Variants in PSMA4 observed in about 807,000 individuals in gnomAD.
The protein encoded by PSMA4 is proteasome subunit alpha type-4.
Under a neutral mutation model 37.2 loss-of-function variants are expected in PSMA4, and 8 were observed. The observed-to-expected ratio is 0.22, with a 90% CI of 0.13 to 0.39. The LOEUF is 0.39. Ranked by LOEUF, PSMA4 falls within the 10% of genes least tolerant of loss-of-function variation. The pLI is 1.00. For missense variants in PSMA4, 169 were observed against 305.1 expected (o/e 0.55, Z 3.32); for synonymous variants, 93 against 98.8 (o/e 0.94, Z 0.35).
intron 8 of PSMA4, among the ~76,000 whole-genome samples, chr15:78,548,533 G>A (rs1261791592): frequency 6.6e-6 from 1 of 152,300 alleles, no homozygotes; most frequent in East Asian, 1.9e-4. Flanking sequence ...ATAGCAATTG[G>A]TTGATTATAC....
In PSMA4 at chr15:78,545,628, T is replaced by C. The variant is rs780573342; in HGVS notation, c.377-6T>C. Reference sequence around the variant, plus strand: ...TGATATGTTTGGCTTTTTTTCTTTGTTAAAGGAAAACGTCCCTTTGGTGTT... The same window carrying C: ...TGATATGTTTGGCTTTTTTTCTTTGCTAAAGGAAAACGTCCCTTTGGTGTT... On this transcript the variant is annotated splice_region_variant and splice_polypyrimidine_tract_variant and intron_variant, in intron 6 of 8. Coordinates refer to ENST00000044462, the MANE Select transcript of PSMA4 (RefSeq NM_002789.6). 3 of 1,613,738 alleles carry C rather than the reference T, an allele frequency of 1.9e-6. No individual in the cohort carries two copies. In the Admixed American group the frequency reaches 5.0e-5, roughly 27 times the overall value.
chr15:78,547,878 G>A (rs1413945097), intron 8 of PSMA4, among the ~76,000 whole-genome samples: 1 of 151,708 alleles, frequency 6.6e-6, no homozygotes, highest in East Asian at 1.9e-4. Context: ...CAGAAATTGT[G>A]GTAAATTAAC....
chr15:78,541,480 C>T (rs1322091786), intron 1 of PSMA4: 1 of 188,774 alleles, frequency 5.3e-6, no homozygotes, highest in Admixed American at 5.5e-5. Context: ...ACTAAACTAT[C>T]CTGCCTCCGT....
intron 1 of PSMA4, chr15:78,541,599 A>T (rs2052454270): frequency 1.4e-5 from 5 of 352,370 alleles, no homozygotes; most frequent in South Asian, 1.3e-4. Flanking sequence ...CCCATCTCTG[A>T]TTTACTTTCA....
At position 78,542,474 on chromosome 15, in the gene PSMA4, G is replaced by A. The variant is rs1596041621; in HGVS notation, c.47-9G>A. Reference sequence around the variant, plus strand: ...AGAGTCTTGGCTTCTCACTGCTTTTGTTTTGTAGGTCGCTTATACCAAGTT... The same window carrying A: ...AGAGTCTTGGCTTCTCACTGCTTTTATTTTGTAGGTCGCTTATACCAAGTT... On this transcript the variant is annotated splice_polypyrimidine_tract_variant and intron_variant, in intron 3 of 8. Coordinates refer to ENST00000044462, the MANE Select transcript of PSMA4 (RefSeq NM_002789.6). 1.2e-6 allele frequency: 2 copies of A among 1,609,634 alleles called. No homozygotes were observed. The highest frequency in any genetic ancestry group is 1.3e-5 in the African/African-American group (1 of 74,742).
chr15:78,545,830 G>A (rs2052542732), intron 7 of PSMA4, 66 bp downstream of exon 7: 23 of 1,533,616 alleles, frequency 1.5e-5, no homozygotes, highest in Non-Finnish European at 1.9e-5. Context: ...TTTTGCCATG[G>A]TGATGAATGT....
At position 78,552,408 on chromosome 15, in the gene PSMA4, TG is replaced by T. The variant is rs1200553309; in HGVS notation, c.*3465del. On this transcript the variant is annotated 3_prime_UTR_variant, in exon 9 of 9. Coordinates refer to ENST00000044462, the MANE Select transcript of PSMA4 (RefSeq NM_002789.6). ...AAATCATGCTTTTAAAAATAAATTA[TG>T]TAAAAAAATCATGTACTCCTGTGTA... 6.6e-6 allele frequency: 1 copy of T among 152,236 alleles called. No homozygotes were observed. The allele number at this position is 152,236 out of a possible 1,614,324, so 9.4% of individuals were successfully genotyped here.
chr15:78,546,162 G>A (rs886093868), intron 7 of PSMA4, among the ~76,000 whole-genome samples: 1 of 152,038 alleles, frequency 6.6e-6, no homozygotes, highest in African/African-American at 2.4e-5. Flanking sequence ...TATGTATATG[G>A]GCCAGGCATG....
intron 4 of PSMA4, 58 bp downstream of exon 4, chr15:78,542,703 A>T (rs530224535): frequency 6.6e-5 from 98 of 1,487,900 alleles, no homozygotes; most frequent in Middle Eastern, 3.8e-4. Context: ...CATAAGTGGG[A>T]TCTATGTAAT....
chr15:78,548,835 G>A lies in PSMA4; in HGVS notation c.677G>A (p.Arg226Lys). ...LTRENGKTVI[R>K]VLKQKEVEQL... Reference sequence around the variant, plus strand: ...AGAGAGAATGGAAAGACAGTAATCAGAGTTCTCAAACAAAAAGAAGTGGAG... The same window carrying A: ...AGAGAGAATGGAAAGACAGTAATCAAAGTTCTCAAACAAAAAGAAGTGGAG... Residue 226 changes from arginine (R) to lysine (K), a missense_variant, in exon 9 of 9, where the codon AGA becomes AAA. This residue lies in a region of PSMA4 where 90 missense variants were observed against 92.7 expected (regional missense o/e 0.97). Transcript: ENST00000044462. The A allele has an allele frequency of 1.9e-6, 3 of 1,612,612 alleles. No individual in the cohort carries two copies. Among genetic ancestry groups the A allele is most frequent in the Non-Finnish European group, 2.5e-6 (3 of 1,179,420 alleles).
Position 78,550,803 on chromosome 15 carries a change from T to G in PSMA4, c.*1859T>G, listed in dbSNP as rs573162363. 1.3e-5 allele frequency: 2 copies of G among 152,324 alleles called. No homozygotes were observed. Among genetic ancestry groups the G allele is most frequent in the African/African-American group, 4.8e-5 (2 of 41,572 alleles). 9.4% of individuals were successfully genotyped at this position (152,324 alleles called of 1,614,324 possible). ...AACCTCAGATGGGAACATGTGCACC[T>G]GGGTACTCAAAATTTTCACCACTCT... On this transcript the variant is annotated 3_prime_UTR_variant, in exon 9 of 9. Coordinates refer to ENST00000044462, the MANE Select transcript of PSMA4 (RefSeq NM_002789.6).
intron 8 of PSMA4, among the ~76,000 whole-genome samples, chr15:78,547,893 T>C (rs1469076910): frequency 6.6e-6 from 1 of 151,958 alleles, no homozygotes; most frequent in East Asian, 1.9e-4. Context: ...ATTAACATGT[T>C]GCTTTATGTT....
chr15:78,543,538 TACTC>T (rs1336584355), intron 4 of PSMA4, among the ~76,000 whole-genome samples: 1 of 150,966 alleles, frequency 6.6e-6, no homozygotes, highest in African/African-American at 2.4e-5. Flanking sequence ...AAATGAATAT[TACTC>T]AAGAGCAGTC....
At chr15:78,545,818 A>G (rs2052542577) in intron 7 of PSMA4, 54 bp downstream of exon 7, 1 of 1,584,894 alleles carries the variant, frequency 6.3e-7, no homozygotes, top group Non-Finnish European at 8.7e-7. Flanking sequence ...TAACTGCCAT[A>G]ATTTTGCCAT....
intron 4 of PSMA4, 182 bp downstream of exon 4, chr15:78,542,827 C>T: frequency 1.7e-6 from 1 of 599,980 alleles, no homozygotes; most frequent in South Asian, 2.2e-5. Context: ...AGGGCAAACA[C>T]TTAGTGGAGA....
rs979408462 is a variant in PSMA4, at chr15:78,540,470, G to C, written c.-93G>C. 6.6e-6 allele frequency: 1 copy of C among 152,420 alleles called. No homozygotes were observed. Among genetic ancestry groups the C allele is most frequent in the Non-Finnish European group, 1.5e-5 (1 of 68,190 alleles). The allele number at this position is 152,420 out of a possible 1,614,324, so 9.4% of individuals were successfully genotyped here. A position where few individuals can be genotyped will look rare whatever the true frequency, so the allele number is the denominator to read the frequency against. ...TATTAGCAGCGGTTATTCGGTGAGCGGTGGTGGTTTATTCTTCCGTGGAGT... is the reference window on the plus strand; with the variant it reads ...TATTAGCAGCGGTTATTCGGTGAGCCGTGGTGGTTTATTCTTCCGTGGAGT... On this transcript the variant is annotated 5_prime_UTR_variant, in exon 1 of 9. Transcript: ENST00000044462.
In PSMA4 at chr15:78,550,825, C is replaced by T. The variant is rs1400331332; in HGVS notation, c.*1881C>T. The T allele has an allele frequency of 6.6e-6, 1 of 152,146 alleles. No homozygotes were observed. The highest frequency in any genetic ancestry group is 1.5e-5 in the Non-Finnish European group (1 of 68,036). 9.4% of individuals were successfully genotyped at this position (152,146 alleles called of 1,614,324 possible). On this transcript the variant is annotated 3_prime_UTR_variant, in exon 9 of 9. Transcript: ENST00000044462. The stretch of plus-strand genomic sequence containing the variant: ...ACCTGGGTACTCAAAATTTTCACCA[C>T]TCTGCATGTCAACAAATGACTAAAA...
chr15:78,540,445 T>G lies in PSMA4; in HGVS notation c.-118T>G, dbSNP rs747201351. On this transcript the variant is annotated 5_prime_UTR_variant, in exon 1 of 9. Coordinates refer to ENST00000044462, the MANE Select transcript of PSMA4 (RefSeq NM_002789.6). ...CGGTTCTGCGCATGCGCGGGGGCCA[T>G]ATTAGCAGCGGTTATTCGGTGAGCG... 1 of 152,394 alleles carries G rather than the reference T, an allele frequency of 6.6e-6. No homozygotes were observed. Among genetic ancestry groups the G allele is most frequent in the Non-Finnish European group, 1.5e-5 (1 of 68,192 alleles). The allele number at this position is 152,394 out of a possible 1,614,324, so 9.4% of individuals were successfully genotyped here.
intron 8 of PSMA4, among the ~76,000 whole-genome samples, chr15:78,548,528 A>G (rs1447032825): frequency 6.6e-6 from 1 of 152,238 alleles, no homozygotes; most frequent in Non-Finnish European, 1.5e-5. Context: ...CGGCAATAGC[A>G]ATTGGTTGAT....
Sources: allele counts gnomAD v4.1 joint callset (sites outside exome capture counted in the v4.1 genomes callset), GRCh38; gene constraint gnomAD v4.1.1; regional missense constraint gnomAD v4.1.1; transcripts MANE v1.5; gene names NCBI Gene and HGNC (gene_info 2026-07-23, HGNC 2026-07-21).